Variants in NSL1 observed in about 807,000 individuals in gnomAD.
The protein encoded by NSL1 is NSL1 component of MIS12 kinetochore complex, also known as kinetochore-associated protein NSL1 homolog.
A neutral mutation model predicts 25.4 loss-of-function variants in NSL1; 11 were observed. The observed-to-expected ratio is 0.43, with a 90% CI of 0.27 to 0.72. The LOEUF (loss-of-function observed/expected upper bound fraction) is 0.72, where lower values mean the gene tolerates loss of function less well. Among genes scored for constraint, NSL1 ranks in the 30% least tolerant of loss-of-function variants. NSL1 has a pLI of 0.19. For synonymous variants in NSL1, 118 were observed against 120.6 expected, an observed-to-expected ratio of 0.98 and a Z score of 0.14; for missense variants, 330 against 342.7, an observed-to-expected ratio of 0.96 and a Z score of 0.29.
chr1:212,727,971 T>C lies in NSL1; in HGVS notation c.*10437A>G. 1 of 985,402 alleles carries C rather than the reference T, an allele frequency of 1.0e-6. No homozygotes were observed. The highest frequency in any genetic ancestry group is 1.2e-6 in the Non-Finnish European group (1 of 829,908). 61.0% of individuals were successfully genotyped at this position (985,402 alleles called of 1,614,324 possible). Reference sequence around the variant, plus strand: ...GCGTCTGAGACTCTGGACAAGGCCTTTGCTGTGAACCACGGGGAGAAGGTG... The same window carrying C: ...GCGTCTGAGACTCTGGACAAGGCCTCTGCTGTGAACCACGGGGAGAAGGTG... On this transcript the variant is annotated 3_prime_UTR_variant, in exon 6 of 6. Coordinates refer to ENST00000366977, the MANE Select transcript of NSL1 (RefSeq NM_015471.4).
intron 4 of NSL1, among the ~76,000 whole-genome samples, chr1:212,756,069 G>A (rs1659292619): frequency 6.6e-6 from 1 of 152,116 alleles, no homozygotes; most frequent in Non-Finnish European, 1.5e-5. Flanking sequence ...CTAAAGGGGT[G>A]ACAGGAAGAG....
chr1:212,727,230 A>G lies in NSL1; in HGVS notation c.*11178T>C. The G allele has an allele frequency of 6.8e-7, 1 of 1,471,752 alleles. No homozygotes were observed. The highest frequency in any genetic ancestry group is 1.4e-5 in the South Asian group (1 of 70,508). The allele number at this position is 1,471,752 out of a possible 1,614,324, so 91.2% of individuals were successfully genotyped here. On this transcript the variant is annotated 3_prime_UTR_variant, in exon 6 of 6. Coordinates refer to ENST00000366977, the MANE Select transcript of NSL1 (RefSeq NM_015471.4). ...GAATTTAGAAGATCTCTTTTTCTGA[A>G]AACTATATATGGCTTTCAAGACTTG...
At position 212,726,890 on chromosome 1, in the gene NSL1, T is replaced by C; in HGVS notation, c.*11518A>G. On this transcript the variant is annotated 3_prime_UTR_variant, in exon 6 of 6. Coordinates refer to ENST00000366977, the MANE Select transcript of NSL1 (RefSeq NM_015471.4). Reference sequence around the variant, plus strand: ...GAGCCCGGTCCCAGGGGCTGGATGGTGTCCCTCCCTCTGATGGACACCAGC... The same window carrying C: ...GAGCCCGGTCCCAGGGGCTGGATGGCGTCCCTCCCTCTGATGGACACCAGC... The C allele has an allele frequency of 2.6e-6, 1 of 391,010 alleles. No homozygotes were observed. The highest frequency in any genetic ancestry group is 4.5e-6 in the Non-Finnish European group (1 of 220,256). The allele number at this position is 391,010 out of a possible 1,614,324, so 24.2% of individuals were successfully genotyped here.
At chr1:212,768,156 C>T (rs1342539031) in intron 4 of NSL1, among the ~76,000 whole-genome samples, 2 of 151,926 alleles carry the variant, frequency 1.3e-5, no homozygotes, top group African/African-American at 2.4e-5. Context: ...CCTGTCTCTA[C>T]TAAAAATACA....
chr1:212,784,517 A>G (rs188846144), intron 2 of NSL1, 24 bp from the exon 3 acceptor site: 37 of 1,447,110 alleles, frequency 2.6e-5, no homozygotes, highest in Middle Eastern at 4.3e-4. Flanking sequence ...AAAAATGTAT[A>G]TATAAAAAGT....
intron 4 of NSL1, among the ~76,000 whole-genome samples, chr1:212,768,948 C>T (rs941174713): frequency 1.3e-5 from 2 of 152,012 alleles, no homozygotes; most frequent in African/African-American, 4.8e-5. Flanking sequence ...GAGACTAAGG[C>T]AGGAGGATCC....
At chr1:212,782,670 C>T (rs985008743) in intron 3 of NSL1, among the ~76,000 whole-genome samples, 2 of 152,096 alleles carry the variant, frequency 1.3e-5, no homozygotes, top group Admixed American at 1.3e-4. Flanking sequence ...AAAGTATAAT[C>T]AGAAAAAGCA....
intron 4 of NSL1, among the ~76,000 whole-genome samples, chr1:212,744,847 T>A (rs1658683726): frequency 6.6e-6 from 1 of 151,972 alleles, no homozygotes; most frequent in Admixed American, 6.6e-5. Context: ...CATCAATATA[T>A]GCATAACAAG....
rs1658106273 is a variant in NSL1 at position 212,733,374 on chromosome 1, G to A, written c.*5034C>T. Among the ~76,000 whole-genome samples the A allele has an allele frequency of 6.8e-6, 1 of 148,064 alleles. No homozygotes were observed. The highest frequency in any genetic ancestry group is 2.1e-4 in the South Asian group (1 of 4,706). On this transcript the variant is annotated 3_prime_UTR_variant, in exon 6 of 6. Coordinates refer to ENST00000366977, the MANE Select transcript of NSL1 (RefSeq NM_015471.4). Reference sequence around the variant, plus strand: ...TTGAGTTGCGGGGGCAGAGGTTGCAGTAAGCCAAGATAGCACCACTGTACT... The same window carrying A: ...TTGAGTTGCGGGGGCAGAGGTTGCAATAAGCCAAGATAGCACCACTGTACT...
intron 4 of NSL1, among the ~76,000 whole-genome samples, chr1:212,778,830 G>C (rs2102395007): frequency 6.6e-6 from 1 of 152,266 alleles, no homozygotes; most frequent in South Asian, 2.1e-4. Flanking sequence ...CCCCGTCTGG[G>C]AAGTGAGGAG....
At chr1:212,741,201 G>A (rs1052424610) in intron 4 of NSL1, among the ~76,000 whole-genome samples, 3 of 152,166 alleles carry the variant, frequency 2.0e-5, no homozygotes, top group Non-Finnish European at 4.4e-5. Flanking sequence ...AATTTTCTCT[G>A]TGGTATGGCA....
intron 2 of NSL1, among the ~76,000 whole-genome samples, chr1:212,784,812 G>T (rs1280849689): frequency 6.6e-6 from 1 of 152,182 alleles, no homozygotes; most frequent in Non-Finnish European, 1.5e-5. Context: ...TGCAATAGAG[G>T]TATGAGCAAA....
intron 1 of NSL1, among the ~76,000 whole-genome samples, chr1:212,790,204 G>A (rs1661134502): frequency 6.6e-6 from 1 of 151,898 alleles, no homozygotes; most frequent in Non-Finnish European, 1.5e-5. Flanking sequence ...TATTATTATT[G>A]TTTTAGTAGA....
Position 212,731,744 on chromosome 1 carries a change from A to G in NSL1, c.*6664T>C. On this transcript the variant is annotated 3_prime_UTR_variant, in exon 6 of 6. Coordinates refer to ENST00000366977, the MANE Select transcript of NSL1 (RefSeq NM_015471.4). ...ACTGACTTCCAGTTGTGGTGGGTGAAGATTTCACTCCCCACTGCCATGTCA... is the reference window on the plus strand; with the variant it reads ...ACTGACTTCCAGTTGTGGTGGGTGAGGATTTCACTCCCCACTGCCATGTCA... 3 of 985,344 alleles carry G rather than the reference A, an allele frequency of 3.0e-6. No homozygotes were observed. The highest frequency in any genetic ancestry group is 3.6e-6 in the Non-Finnish European group (3 of 829,888). 61.0% of individuals were successfully genotyped at this position (985,344 alleles called of 1,614,324 possible).
At chr1:212,774,447 A>C (rs6661720) in intron 4 of NSL1, among the ~76,000 whole-genome samples, 61,105 of 152,060 alleles carry the variant, frequency 0.4, 13,919 homozygotes, top group Non-Finnish European at 0.51. Flanking sequence ...ATATCTGATA[A>C]GGGACTAGCG....
At chr1:212,765,202 C>T (rs1659748583) in intron 4 of NSL1, among the ~76,000 whole-genome samples, 1 of 151,964 alleles carries the variant, frequency 6.6e-6, no homozygotes, top group Admixed American at 6.6e-5. Context: ...TTCCAAAAGA[C>T]AGAAAAAGAG....
intron 3 of NSL1, 68 bp downstream of exon 3, chr1:212,784,295 A>G (rs1660850295): frequency 9.3e-7 from 1 of 1,078,324 alleles, no homozygotes; most frequent in Non-Finnish European, 1.3e-6. Context: ...CTCCACGTAG[A>G]GCCTTATATT....
chr1:212,778,609 C>G (rs1300241256), intron 4 of NSL1, among the ~76,000 whole-genome samples: 1 of 147,830 alleles, frequency 6.8e-6, no homozygotes, highest in African/African-American at 2.5e-5. Context: ...CTGTGTTGGC[C>G]GGGCTGGTCT....
intron 4 of NSL1, among the ~76,000 whole-genome samples, chr1:212,781,346 A>C (rs947250285): frequency 1.2e-4 from 18 of 152,346 alleles, no homozygotes; most frequent in African/African-American, 4.3e-4. Flanking sequence ...TCATAATACC[A>C]CAAGTTTCAA....
Sources: gnomAD v4.1 joint callset for allele counts (sites outside exome capture counted in the v4.1 genomes callset) on GRCh38, gnomAD v4.1.1 for gene constraint, MANE v1.5 for transcripts, NCBI Gene and HGNC (gene_info 2026-07-23, HGNC 2026-07-21) for gene names.